The following GABRG3 variants were observed in gnomAD, a reference collection of about 807,000 sequenced individuals.
The protein encoded by GABRG3 is gamma-aminobutyric acid type A receptor subunit gamma3.
A neutral mutation model predicts 48.8 loss-of-function variants in GABRG3; 25 were observed. The observed-to-expected ratio is 0.51, with a 90% CI of 0.37 to 0.72. The LOEUF is 0.72. Ranked by LOEUF, GABRG3 falls within the 30% of genes least tolerant of loss-of-function variation. The probability of loss-of-function intolerance (pLI) is 0.00; values close to 1 mark genes in which losing one functional copy is unlikely to be tolerated. For synonymous variants in GABRG3, 227 were observed against 217.6 expected, an observed-to-expected ratio of 1.04 and a Z score of -0.38; for missense variants, 394 against 577.9, an observed-to-expected ratio of 0.68 and a Z score of 3.26.
intron 5 of GABRG3, among the ~76,000 whole-genome samples, chr15:27,374,918 T>C (rs1436396211): frequency 3.3e-5 from 5 of 152,150 alleles, no homozygotes; most frequent in Non-Finnish European, 4.4e-5. Context: ...AAAAATGGCA[T>C]GCAAATTTAT....
chr15:26,981,086 TA>T (rs532131321), intron 2 of GABRG3, among the ~76,000 whole-genome samples: 1 of 152,132 alleles, frequency 6.6e-6, no homozygotes, highest in African/African-American at 2.4e-5. Flanking sequence ...AAAAGTTTTT[TA>T]AAAAAACAAG....
chr15:27,485,750 A>C (rs960363392), intron 6 of GABRG3, among the ~76,000 whole-genome samples: 3 of 152,196 alleles, frequency 2.0e-5, no homozygotes, highest in Non-Finnish European at 2.9e-5. Flanking sequence ...TTTACCAGAA[A>C]TCATGGCAAC....
chr15:27,364,086 A>T (rs1001118929), intron 5 of GABRG3: 3 of 152,248 alleles, frequency 2.0e-5, no homozygotes, highest in Non-Finnish European at 4.4e-5. Flanking sequence ...CCGAAACACA[A>T]GGTATCATGG....
rs1017562295 is a variant in GABRG3 at position 27,352,893 on chromosome 15, A to G, written c.574+24005A>G. 6.6e-6 allele frequency among the ~76,000 whole-genome samples: 1 copy of G among 152,140 alleles called. No homozygotes were observed. Among genetic ancestry groups the G allele is most frequent in the Admixed American group, 6.5e-5 (1 of 15,282 alleles). On this transcript the variant is annotated intron_variant, in intron 5 of 9. Coordinates refer to ENST00000615808, the MANE Select transcript of GABRG3 (RefSeq NM_033223.5). The surrounding 1 kb of genome is among the most constrained non-coding windows in gnomAD (Gnocchi z 4.0). ...ACATGCTCACTTGGTAAGTCATTGC[A>G]TCTGCATTATCTTATCATCACGATT... is the stretch of plus-strand genomic sequence containing the variant.
chr15:27,103,549 C>T (rs764787430), intron 3 of GABRG3, among the ~76,000 whole-genome samples: 3 of 152,190 alleles, frequency 2.0e-5, no homozygotes, highest in Non-Finnish European at 2.9e-5. Flanking sequence ...AATACCAAAG[C>T]TCGGTTAGGG....
At chr15:27,454,881 TTCAGTTC>T (rs1200362163) in intron 5 of GABRG3, among the ~76,000 whole-genome samples, 1 of 152,192 alleles carries the variant, frequency 6.6e-6, no homozygotes, top group African/African-American at 2.4e-5. Flanking sequence ...AATGAGTTCA[TTCAGTTC>T]TGTACCAAAT....
chr15:27,124,151 GGGAC>G (rs1897778276), intron 3 of GABRG3, among the ~76,000 whole-genome samples: 1 of 152,130 alleles, frequency 6.6e-6, no homozygotes, highest in Non-Finnish European at 1.5e-5. Flanking sequence ...TTAGAGCCTG[GGGAC>G]AAATTGCAAT....
chr15:27,191,950 G>A (rs1387097448), intron 3 of GABRG3, among the ~76,000 whole-genome samples: 2 of 151,824 alleles, frequency 1.3e-5, no homozygotes, highest in African/African-American at 4.8e-5. Context: ...GCATTTGCTT[G>A]TCTGTAAAGT....
intron 2 of GABRG3, among the ~76,000 whole-genome samples, chr15:26,984,564 C>T (rs1008345591): frequency 6.6e-6 from 1 of 152,172 alleles, no homozygotes; most frequent in South Asian, 2.1e-4. Context: ...CTTCTTTATC[C>T]ATCCTTTTAA....
intron 3 of GABRG3, among the ~76,000 whole-genome samples, chr15:27,324,084 A>T (rs1021677891): frequency 2.6e-5 from 4 of 152,202 alleles, no homozygotes; most frequent in Admixed American, 2.0e-4. Context: ...AGCACCAATG[A>T]CTATCATGAT....
intron 5 of GABRG3, among the ~76,000 whole-genome samples, chr15:27,449,515 C>T (rs1414657556): frequency 1.3e-5 from 2 of 152,194 alleles, no homozygotes; most frequent in African/African-American, 4.8e-5. Context: ...AAAATGTTTA[C>T]ATTTTGTGAT....
At chr15:27,363,837 T>C (rs565303285) in intron 5 of GABRG3, 50 of 152,306 alleles carry the variant, frequency 3.3e-4, no homozygotes, top group African/African-American at 1.2e-3. Flanking sequence ...AGCGGCGCTG[T>C]CTTTGAAATT....
chr15:27,466,930 A>C (rs1249648193), intron 5 of GABRG3, among the ~76,000 whole-genome samples: 3 of 152,202 alleles, frequency 2.0e-5, no homozygotes, highest in Non-Finnish European at 2.9e-5. Context: ...TGTAGTTTTT[A>C]TGTTTTTTGG....
At chr15:27,412,719 T>G (rs1279857377) in intron 5 of GABRG3, among the ~76,000 whole-genome samples, 1 of 152,228 alleles carries the variant, frequency 6.6e-6, no homozygotes, top group South Asian at 2.1e-4. Flanking sequence ...CCCTGCAGGG[T>G]TTTGTATTTG....
At chr15:27,483,524 G>A (rs905400663) in intron 6 of GABRG3, among the ~76,000 whole-genome samples, 10 of 152,194 alleles carry the variant, frequency 6.6e-5, no homozygotes, top group Admixed American at 3.3e-4. Context: ...AATTTAACCC[G>A]TGGCAGTAAC....
At chr15:27,092,348 G>A (rs887308031) in intron 3 of GABRG3, among the ~76,000 whole-genome samples, 1 of 152,204 alleles carries the variant, frequency 6.6e-6, no homozygotes, top group Admixed American at 6.5e-5. Flanking sequence ...AAATGCAAAT[G>A]AGGCAGGGCG....
chr15:27,081,957 C>T (rs886170756), intron 3 of GABRG3, among the ~76,000 whole-genome samples: 2 of 152,196 alleles, frequency 1.3e-5, no homozygotes, highest in Non-Finnish European at 2.9e-5. Flanking sequence ...TGAGAGTTCT[C>T]TTGGGGACCC....
intron 3 of GABRG3, among the ~76,000 whole-genome samples, chr15:27,313,307 TATAC>T (rs1893092779): frequency 2.0e-5 from 2 of 98,928 alleles, no homozygotes; most frequent in African/African-American, 3.9e-5. Flanking sequence ...TATATATATA[TATAC>T]CCAACATCAG....
chr15:27,011,714 G>T (rs1231792822), intron 2 of GABRG3, among the ~76,000 whole-genome samples: 3 of 151,996 alleles, frequency 2.0e-5, no homozygotes, highest in Non-Finnish European at 4.4e-5. Context: ...CGGGTGTGGT[G>T]GTGGGCGCCT....
Sources: allele counts gnomAD v4.1 joint callset (sites outside exome capture counted in the v4.1 genomes callset), GRCh38; gene constraint gnomAD v4.1.1; non-coding constraint Gnocchi (gnomAD v3.1); transcripts MANE v1.5; gene names NCBI Gene and HGNC (gene_info 2026-07-23, HGNC 2026-07-21).